The following LRP2 variants were observed in gnomAD, a reference collection of about 807,000 sequenced individuals.
The protein encoded by LRP2 is low-density lipoprotein receptor-related protein 2.
In LRP2, 172 loss-of-function variants were observed where a neutral mutation model predicts 531.0. The observed-to-expected ratio is 0.32, with a 90% CI of 0.29 to 0.37. The LOEUF (loss-of-function observed/expected upper bound fraction) is 0.37. LRP2 is among the 10% of genes least tolerant of loss of function. The probability of loss-of-function intolerance (pLI) is 1.00; values close to 1 mark genes in which losing one functional copy is unlikely to be tolerated. For missense variants in LRP2, 5,167 were observed against 5,868.3 expected, an observed-to-expected ratio of 0.88 and a Z score of 3.90; for synonymous variants, 1,992 against 2,027.6, an observed-to-expected ratio of 0.98 and a Z score of 0.47.
intron 47 of LRP2, among the ~76,000 whole-genome samples, chr2:169,193,008 T>C (rs904071537): frequency 2.6e-5 from 4 of 152,194 alleles, no homozygotes; most frequent in African/African-American, 9.7e-5. Context: ...TTCCATACCC[T>C]GTTGGTAATG....
chr2:169,160,695 A>AAAAAAAAAAAACAAAAAAAAAC (rs1686552068), intron 63 of LRP2, among the ~76,000 whole-genome samples: 1 of 151,626 alleles, frequency 6.6e-6, no homozygotes, highest in African/African-American at 2.4e-5. Flanking sequence ...AAAAAAAAAA[A>AAAAAAAAAAAACAAAAAAAAAC]CCTGCTACTA....
At chr2:169,208,215 A>G (rs1688463627) in intron 38 of LRP2, among the ~76,000 whole-genome samples, 1 of 152,220 alleles carries the variant, frequency 6.6e-6, no homozygotes, top group Non-Finnish European at 1.5e-5. Context: ...ATAAATGGGC[A>G]TAGCTGTGTT....
chr2:169,350,632 G>A (rs1185694594), intron 1 of LRP2, among the ~76,000 whole-genome samples: 2 of 147,842 alleles, frequency 1.4e-5, no homozygotes, highest in African/African-American at 2.5e-5. Flanking sequence ...GCTGAGGCAG[G>A]AGAATCGCTT....
chr2:169,188,832 T>C (rs985267888), intron 48 of LRP2, among the ~76,000 whole-genome samples: 1 of 152,192 alleles, frequency 6.6e-6, no homozygotes, highest in African/African-American at 2.4e-5. Context: ...AGAACACATA[T>C]CTTCCCACTG....
At chr2:169,305,024 T>C (rs1411542472) in intron 4 of LRP2, among the ~76,000 whole-genome samples, 2 of 152,062 alleles carry the variant, frequency 1.3e-5, no homozygotes, top group Non-Finnish European at 2.9e-5. Context: ...TGAGAACACA[T>C]GGATACAGAG....
chr2:169,333,184 T>G (rs897101577), intron 1 of LRP2, among the ~76,000 whole-genome samples: 14 of 152,170 alleles, frequency 9.2e-5, no homozygotes, highest in Admixed American at 2.0e-4. Flanking sequence ...TTTGCTGATG[T>G]TTTACACAAT....
At chr2:169,226,347 G>C in intron 32 of LRP2, 75 bp downstream of exon 32, 1 of 1,199,720 alleles carries the variant, frequency 8.3e-7, no homozygotes, top group Non-Finnish European at 1.2e-6. Flanking sequence ...ACAAAAGTTT[G>C]CTTATAAGAA....
intron 31 of LRP2, among the ~76,000 whole-genome samples, chr2:169,227,822 CAT>C (rs1689256477): frequency 6.6e-6 from 1 of 152,112 alleles, no homozygotes; most frequent in Non-Finnish European, 1.5e-5. Context: ...TAATGCTTTA[CAT>C]TTTTCAAGTA....
intron 1 of LRP2, among the ~76,000 whole-genome samples, chr2:169,351,753 AGTT>A (rs375094012): frequency 7.9e-5 from 12 of 152,340 alleles, no homozygotes; most frequent in African/African-American, 2.9e-4. Context: ...TAGTCAGTAT[AGTT>A]GTGTTTTTCT....
intron 7 of LRP2, among the ~76,000 whole-genome samples, chr2:169,292,026 G>C (rs948180484): frequency 6.6e-6 from 1 of 152,154 alleles, no homozygotes; most frequent in Non-Finnish European, 1.5e-5. Flanking sequence ...ATAGAAGGGA[G>C]AGGATTATAA....
intron 3 of LRP2, among the ~76,000 whole-genome samples, chr2:169,308,782 C>A (rs1195814275): frequency 6.6e-6 from 1 of 152,124 alleles, no homozygotes; most frequent in Non-Finnish European, 1.5e-5. Flanking sequence ...GTTCTAGATC[C>A]TTGAGGAATC....
At chr2:169,137,649 CAA>C (rs1160173051) in intron 75 of LRP2, among the ~76,000 whole-genome samples, 156 bp from the exon 76 acceptor site, 3 of 45,460 alleles carry the variant, frequency 6.6e-5, no homozygotes, top group Admixed American at 2.1e-4. Flanking sequence ...AGAGAACTTG[CAA>C]AAAAAAAAAA....
intron 33 of LRP2, among the ~76,000 whole-genome samples, chr2:169,222,822 C>A (rs967832213): frequency 1.3e-5 from 2 of 152,140 alleles, no homozygotes; most frequent in Admixed American, 1.3e-4. Context: ...ACTGAAACCT[C>A]GGAAAGTGAA....
rs566578814 is a variant in LRP2 at position 169,221,479 on chromosome 2, T to C, written c.5539-916A>G. ...ATACAGCACATAGAAATATAGTTTA[T>C]TGGACTAGAAAGAAGTTTCTTACAG... On this transcript the variant is annotated intron_variant, in intron 33 of 78. Coordinates refer to ENST00000649046, the MANE Select transcript of LRP2 (RefSeq NM_004525.3). Among the ~76,000 whole-genome samples the C allele has an allele frequency of 1.7e-4, 26 of 152,324 alleles. No individual in the cohort carries two copies. In the South Asian group the frequency reaches 3.9e-3, roughly 23 times the overall value.
rs199625884 is a variant in LRP2 at position 169,168,522 on chromosome 2, G to A, written c.11635+17C>T. The A allele has an allele frequency of 2.2e-5, 36 of 1,613,726 alleles. No homozygotes were observed. The highest frequency in any genetic ancestry group is 9.4e-5 in the African/African-American group (7 of 74,858). On this transcript the variant is annotated intron_variant, in intron 61 of 78. Coordinates refer to ENST00000649046, the MANE Select transcript of LRP2 (RefSeq NM_004525.3). ...AGACAACACCACTCCCATTCACTCC[G>A]TTTCTCTCCCTCTTACAGCACAGGT...
intron 19 of LRP2, among the ~76,000 whole-genome samples, chr2:169,251,756 A>G (rs1317700579): frequency 1.1e-5 from 1 of 93,874 alleles, no homozygotes; most frequent in Non-Finnish European, 2.0e-5. Flanking sequence ...AGACTAATAA[A>G]GAAAGAAGAG....
intron 31 of LRP2, among the ~76,000 whole-genome samples, chr2:169,231,121 C>T (rs965199239): frequency 6.6e-6 from 1 of 151,960 alleles, no homozygotes; most frequent in Admixed American, 6.6e-5. Context: ...TGGCAAAACC[C>T]GGTCTCTACA....
rs371878047 is a variant in LRP2, at chr2:169,289,153, A to G, written c.923-8T>C. On this transcript the variant is annotated splice_polypyrimidine_tract_variant and splice_region_variant and intron_variant, in intron 8 of 78. Transcript: ENST00000649046. Reference sequence around the variant, plus strand: ...CAGAGCACAGAGTCATACCTAAACGAAGAAAAGAACTTTGTTAAATGAATG... The same window carrying G: ...CAGAGCACAGAGTCATACCTAAACGGAGAAAAGAACTTTGTTAAATGAATG... 1.9e-6 allele frequency: 3 copies of G among 1,613,830 alleles called. No individual in the cohort carries two copies. The highest frequency in any genetic ancestry group is 2.5e-6 in the Non-Finnish European group (3 of 1,179,904).
At chr2:169,262,506 G>C (rs1357639652) in intron 16 of LRP2, among the ~76,000 whole-genome samples, 13 of 146,430 alleles carry the variant, frequency 8.9e-5, no homozygotes, top group Admixed American at 5.5e-4. Context: ...TTGCTTCAAA[G>C]AGAATAAAAT....
Sources: gnomAD v4.1 joint callset for allele counts (sites outside exome capture counted in the v4.1 genomes callset) on GRCh38, gnomAD v4.1.1 for gene constraint, MANE v1.5 for transcripts, NCBI Gene and HGNC (gene_info 2026-07-23, HGNC 2026-07-21) for gene names.